The following BDKRB2 variants were observed in gnomAD, a reference collection of about 807,000 sequenced individuals.
The protein encoded by BDKRB2 is bradykinin receptor B2, also known as B2 bradykinin receptor.
In BDKRB2, 6 loss-of-function variants were observed where a neutral mutation model predicts 4.0. The observed-to-expected ratio is 1.49, with a 90% confidence interval of 0.81 to 2.93. The LOEUF is 2.93. Among genes scored for constraint, BDKRB2 ranks in the 30% most tolerant of loss-of-function variants. The pLI, the probability that BDKRB2 is intolerant of heterozygous loss-of-function variation, is 0.00. For synonymous variants in BDKRB2, 225 were observed against 215.3 expected, an observed-to-expected ratio of 1.05 and a Z score of -0.40; for missense variants, 478 against 520.1, an observed-to-expected ratio of 0.92 and a Z score of 0.79.
Position 96,238,989 on chromosome 14 carries a change from C to T in BDKRB2, c.75-1414C>T, listed in dbSNP as rs557551201. ...TAGAAGCATTGATTTGTGGGTCCCCCAGTCTGGCTCCAGGATGCCAGCCAG... is the reference window on the plus strand; with the variant it reads ...TAGAAGCATTGATTTGTGGGTCCCCTAGTCTGGCTCCAGGATGCCAGCCAG... On this transcript the variant is annotated intron_variant, in intron 2 of 2. Coordinates refer to ENST00000554311, the MANE Select transcript of BDKRB2 (RefSeq NM_001379692.1). 4 of 985,568 alleles carry T rather than the reference C, an allele frequency of 4.1e-6. No individual in the cohort carries two copies. In the Admixed American group the frequency reaches 1.8e-4, roughly 45 times the overall value. The allele number at this position is 985,568 out of a possible 1,614,324, so 61.1% of individuals were successfully genotyped here.
intron 1 of BDKRB2, among the ~76,000 whole-genome samples, chr14:96,218,675 T>C (rs1189997080): frequency 6.6e-6 from 1 of 152,084 alleles, no homozygotes; most frequent in Admixed American, 6.5e-5. Flanking sequence ...CCCAGCACTT[T>C]GGGAGTCCAG....
chr14:96,227,656 CAT>C (rs935411536), intron 1 of BDKRB2, among the ~76,000 whole-genome samples: 27 of 151,720 alleles, frequency 1.8e-4, no homozygotes, highest in African/African-American at 5.8e-4. Context: ...CACAAACACA[CAT>C]GTGCACAAAC....
At chr14:96,223,055 G>A (rs1890610482) in intron 1 of BDKRB2, 1 of 751,664 alleles carries the variant, frequency 1.3e-6, no homozygotes, top group Non-Finnish European at 2.4e-6. Flanking sequence ...GTGCTGTTGG[G>A]AGTTGCTTGG....
chr14:96,223,173 C>T (rs747690588), intron 1 of BDKRB2: 6 of 1,162,916 alleles, frequency 5.2e-6, no homozygotes, highest in Non-Finnish European at 7.8e-6. Flanking sequence ...ATCGACATGT[C>T]ATGCTGCCCA....
At chr14:96,209,038 C>T (rs571291355) in intron 1 of BDKRB2, among the ~76,000 whole-genome samples, 3 of 152,194 alleles carry the variant, frequency 2.0e-5, no homozygotes, top group Non-Finnish European at 4.4e-5. Context: ...CTCTTCCCTG[C>T]GGGTTTCCTA....
intron 1 of BDKRB2, among the ~76,000 whole-genome samples, chr14:96,220,708 G>A (rs527858595): frequency 4.7e-5 from 7 of 148,650 alleles, no homozygotes; most frequent in African/African-American, 1.7e-4. Context: ...CCTCTGGTCT[G>A]GTGCCTCAGC....
In BDKRB2 at chr14:96,219,819, G is replaced by A. The variant is rs192312748; in HGVS notation, c.-40+14860G>A. Among the ~76,000 whole-genome samples, 106 of 151,984 alleles carry A rather than the reference G, an allele frequency of 7.0e-4. 1 individual carries two copies. The highest frequency in any genetic ancestry group is 1.3e-4 in the Non-Finnish European group (9 of 68,024). On this transcript the variant is annotated intron_variant, in intron 1 of 2. Coordinates refer to ENST00000554311, the MANE Select transcript of BDKRB2 (RefSeq NM_001379692.1). ...AGCACTGGGGCTGGGGTGTCTCTACGGTGCCTGGGAGGGTCTCCTAGAGAA... is the reference window on the plus strand; with the variant it reads ...AGCACTGGGGCTGGGGTGTCTCTACAGTGCCTGGGAGGGTCTCCTAGAGAA...
chr14:96,215,874 C>T (rs1890406117), intron 1 of BDKRB2, among the ~76,000 whole-genome samples: 1 of 152,184 alleles, frequency 6.6e-6, no homozygotes, highest in Non-Finnish European at 1.5e-5. Context: ...TCCCATCTTA[C>T]AGATAAGGAA....
At position 96,244,102 on chromosome 14, in the gene BDKRB2, C is replaced by T. The variant is rs113632833; in HGVS notation, c.*2598C>T. The T allele has an allele frequency of 1.0e-3, 407 of 398,418 alleles. 3 individuals carry two copies. Among genetic ancestry groups the T allele is most frequent in the African/African-American group, 7.3e-3 (355 of 48,744 alleles). The allele number at this position is 398,418 out of a possible 1,614,324, so 24.7% of individuals were successfully genotyped here. A position where few individuals can be genotyped will look rare whatever the true frequency, so the allele number is the denominator to read the frequency against. ...AAACAGGAAGCATTTCACATCCAAA[C>T]GAGAAAATCATGTAAACATGTGTCT... On this transcript the variant is annotated 3_prime_UTR_variant, in exon 3 of 3. Transcript: ENST00000554311.
intron 1 of BDKRB2, among the ~76,000 whole-genome samples, chr14:96,209,253 A>G (rs1265408168): frequency 3.9e-5 from 6 of 152,194 alleles, no homozygotes; most frequent in Admixed American, 2.6e-4. Context: ...ATAAACTTCA[A>G]TTGACATTTA....
chr14:96,239,110 CCTGA>C lies in BDKRB2; in HGVS notation c.75-1290_75-1287del, dbSNP rs568038602. On this transcript the variant is annotated intron_variant, in intron 2 of 2. Transcript: ENST00000554311. ...CGTAGTTCAGCTCTTCCTCCATGAG[CCTGA>C]CTATCAGTGGACCTTCCAGAAAGAG... 4,677 of 985,504 alleles carry C rather than the reference CCTGA, an allele frequency of 4.7e-3. 16 individuals are homozygous for C. The highest frequency in any genetic ancestry group is 5.2e-3 in the Non-Finnish European group (4,326 of 830,010). The allele number at this position is 985,504 out of a possible 1,614,324, so 61.0% of individuals were successfully genotyped here.
intron 2 of BDKRB2, chr14:96,239,668 G>A: frequency 1.1e-6 from 1 of 949,350 alleles, no homozygotes; most frequent in Non-Finnish European, 1.3e-6. Context: ...AACCCTGAGA[G>A]GTAGTTTTTT....
At chr14:96,225,819 G>A (rs1952960924) in intron 1 of BDKRB2, among the ~76,000 whole-genome samples, 1 of 152,160 alleles carries the variant, frequency 6.6e-6, no homozygotes, top group Admixed American at 6.5e-5. Flanking sequence ...TACCCAGCTG[G>A]GTGGGAAGAA....
intron 1 of BDKRB2, among the ~76,000 whole-genome samples, chr14:96,209,081 C>T (rs185399385): frequency 6.6e-5 from 10 of 152,296 alleles, no homozygotes; most frequent in Admixed American, 2.6e-4. Context: ...GGTGGTCTGC[C>T]GGAGAAAGAC....
chr14:96,227,295 G>C (rs558342073), intron 1 of BDKRB2, among the ~76,000 whole-genome samples: 1 of 152,326 alleles, frequency 6.6e-6, no homozygotes, highest in Admixed American at 6.5e-5. Context: ...AATCATTAAT[G>C]TACTTTGTGC....
chr14:96,217,730 T>G (rs1338858386), intron 1 of BDKRB2, among the ~76,000 whole-genome samples: 1 of 151,252 alleles, frequency 6.6e-6, no homozygotes, highest in Non-Finnish European at 1.5e-5. Context: ...GCACCTGTCT[T>G]GGGAGCCCCG....
intron 1 of BDKRB2, among the ~76,000 whole-genome samples, chr14:96,212,167 T>A (rs1890318354): frequency 1.3e-5 from 2 of 152,156 alleles, no homozygotes; most frequent in Non-Finnish European, 2.9e-5. Flanking sequence ...CATATCTCTT[T>A]GCAAAAATTT....
chr14:96,235,664 G>A (rs1890914274), intron 1 of BDKRB2, among the ~76,000 whole-genome samples: 1 of 152,154 alleles, frequency 6.6e-6, no homozygotes, highest in East Asian at 1.9e-4. Context: ...TCCCTGAACT[G>A]ACCGTTGTCT....
At chr14:96,222,004 T>A (rs1890576039) in intron 1 of BDKRB2, among the ~76,000 whole-genome samples, 1 of 152,116 alleles carries the variant, frequency 6.6e-6, no homozygotes, top group African/African-American at 2.4e-5. Context: ...CCCACAAGAC[T>A]GCCGCCACTT....
Sources: gnomAD v4.1 joint callset for allele counts (sites outside exome capture counted in the v4.1 genomes callset) on GRCh38, gnomAD v4.1.1 for gene constraint, MANE v1.5 for transcripts, NCBI Gene and HGNC (gene_info 2026-07-23, HGNC 2026-07-21) for gene names.